ITSN2: variants seen among roughly 807,000 people sequenced by gnomAD.
ITSN2 encodes intersectin 2, also known as intersectin-2.
Under a neutral mutation model 243.7 loss-of-function variants are expected in ITSN2, and 156 were observed. The observed-to-expected ratio is 0.64, with a 90% CI of 0.56 to 0.73. The LOEUF (loss-of-function observed/expected upper bound fraction) is 0.73. Among genes scored for constraint, ITSN2 ranks in the 30% least tolerant of loss-of-function variants. ITSN2 has a pLI of 0.00. For missense variants in ITSN2, 1,801 were observed against 1,996.1 expected (o/e 0.90, Z 1.86); for synonymous variants, 703 against 699.9 (o/e 1.00, Z -0.07).
chr2:24,287,303 T>C (rs976523058), intron 15 of ITSN2, among the ~76,000 whole-genome samples: 8 of 152,150 alleles, frequency 5.3e-5, no homozygotes, highest in African/African-American at 1.9e-4. Context: ...TTTATATAAC[T>C]ACCTTTCTGA....
chr2:24,329,394 G>A (rs370315410), intron 1 of ITSN2, among the ~76,000 whole-genome samples: 18 of 152,100 alleles, frequency 1.2e-4, no homozygotes, highest in African/African-American at 4.3e-4. Flanking sequence ...TGAGTAGCTG[G>A]GTCTACAGGC....
In ITSN2 at chr2:24,286,202, A is replaced by C; in HGVS notation, c.1863+10T>G. ...GTTACCTAAAAATAAATAGTATCAA[A>C]AATAAATACCTTTAGTTGATTGTTA... is the stretch of plus-strand genomic sequence containing the variant. On this transcript the variant is annotated intron_variant, in intron 16 of 39. Transcript: ENST00000355123. The C allele has an allele frequency of 2.0e-6, 3 of 1,529,434 alleles. No homozygotes were observed. The highest frequency in any genetic ancestry group is 8.9e-7 in the Non-Finnish European group (1 of 1,126,310). 94.7% of individuals were successfully genotyped at this position (1,529,434 alleles called of 1,614,324 possible).
rs547842218 is a variant in ITSN2 at position 24,257,895 on chromosome 2, G to A, written c.2881C>T (p.Arg961Trp). 1.1e-4 allele frequency: 183 copies of A among 1,612,244 alleles called. 4 individuals carry two copies. The South Asian group carries it at 1.7e-3, about 15-fold the overall frequency. Residue 961 changes from arginine to tryptophan, a missense_variant, in exon 23 of 40, where the codon CGG becomes TGG. Arg to Trp is a moderately radical substitution (Grantham distance 101). Coordinates refer to ENST00000355123, the MANE Select transcript of ITSN2 (RefSeq NM_006277.3). ...VKIIPGSEVK[R>W]EEPEALYAAV... is the part of the protein sequence containing the mutation. The stretch of plus-strand genomic sequence containing the variant: ...ACACATAAAGATGCTTACTCTTCCC[G>A]TTTTACTTCACTCCCAGGAATGATC...
chr2:24,288,153 C>T (rs775097685), intron 15 of ITSN2, among the ~76,000 whole-genome samples: 12 of 151,984 alleles, frequency 7.9e-5, no homozygotes, highest in South Asian at 2.1e-4. Context: ...AGGAGTTTTA[C>T]GGTTTCATGT....
chr2:24,220,684 G>A, intron 30 of ITSN2: 1 of 1,286,850 alleles, frequency 7.8e-7, no homozygotes. Context: ...CCATGCGAAT[G>A]CCCTCTTGTT....
At chr2:24,344,150 T>C (rs1027292498) in intron 1 of ITSN2, among the ~76,000 whole-genome samples, 1 of 152,246 alleles carries the variant, frequency 6.6e-6, no homozygotes, top group Non-Finnish European at 1.5e-5. Context: ...AATCATATCC[T>C]TTTAAATAGG....
intron 27 of ITSN2, 112 bp from the exon 28 acceptor site, chr2:24,247,005 G>T: frequency 1.4e-6 from 1 of 738,160 alleles, no homozygotes. Flanking sequence ...ATTTAATTTT[G>T]CCTAAAGAGA....
intron 37 of ITSN2, 27 bp from the exon 38 acceptor site, chr2:24,205,324 T>A: frequency 6.3e-7 from 1 of 1,585,476 alleles, no homozygotes; most frequent in Non-Finnish European, 8.7e-7. Context: ...CAAGTCTCAT[T>A]AATCTCTTCT....
At chr2:24,232,541 G>A (rs1423019233) in intron 29 of ITSN2, among the ~76,000 whole-genome samples, 1 of 152,102 alleles carries the variant, frequency 6.6e-6, no homozygotes, top group African/African-American at 2.4e-5. Context: ...TGAGATGCAG[G>A]ATATAGACTA....
chr2:24,323,199 C>CT (rs60500713), intron 2 of ITSN2, among the ~76,000 whole-genome samples: 1 of 152,140 alleles, frequency 6.6e-6, no homozygotes, highest in African/African-American at 2.4e-5. Context: ...CAACAATAGA[C>CT]TGAGTATTAA....
At chr2:24,324,669 T>G (rs1364611881) in intron 2 of ITSN2, among the ~76,000 whole-genome samples, 1 of 151,492 alleles carries the variant, frequency 6.6e-6, no homozygotes, top group Non-Finnish European at 1.5e-5. Context: ...GTCAACATAG[T>G]GAGACCCCTA....
chr2:24,206,315 C>A, intron 37 of ITSN2: 1 of 401,400 alleles, frequency 2.5e-6, no homozygotes, highest in Non-Finnish European at 5.0e-6. Context: ...ACTATAGCAG[C>A]CAGGAAGCTG....
At chr2:24,356,202 C>CA (rs70944742) in intron 1 of ITSN2, among the ~76,000 whole-genome samples, 131,540 of 138,436 alleles carry the variant, frequency 0.95, 62,558 homozygotes, top group East Asian at 0.99. Flanking sequence ...GACTCCATCT[C>CA]AAAAAAAAAA....
chr2:24,220,267 T>C, intron 30 of ITSN2: 1 of 948,462 alleles, frequency 1.1e-6, no homozygotes, highest in Non-Finnish European at 1.3e-6. Flanking sequence ...TAACTGGTCT[T>C]CTCACCTGAG....
rs778442538 is a variant in ITSN2 at position 24,271,805 on chromosome 2, G to A, written c.2218C>T (p.Arg740Cys). ...EEERKAEEKQ[R>C]KDKDTLKAEE... ...GCTTTCAAAGTATCCTTATCCTTAC[G>A]TTGTTTCTCCTCAGCTTTCCGTTCC... is the stretch of plus-strand genomic sequence containing the variant. Residue 740 changes from arginine to cysteine, a missense_variant, in exon 19 of 40, where the codon CGT becomes TGT. Coordinates refer to ENST00000355123, the MANE Select transcript of ITSN2 (RefSeq NM_006277.3). 3.3e-5 allele frequency: 53 copies of A among 1,604,584 alleles called. 1 individual carries two copies. In the South Asian group the frequency reaches 5.2e-4, roughly 16 times the overall value.
intron 17 of ITSN2, 105 bp downstream of exon 17, chr2:24,284,658 T>C: frequency 1.4e-6 from 1 of 713,812 alleles, no homozygotes; most frequent in Non-Finnish European, 2.5e-6. Context: ...TTGTATATGT[T>C]ATTTCAAACA....
intron 20 of ITSN2, among the ~76,000 whole-genome samples, chr2:24,268,690 T>A (rs1015845023): frequency 6.6e-6 from 1 of 152,106 alleles, no homozygotes; most frequent in Non-Finnish European, 1.5e-5. Flanking sequence ...TCCATTATCA[T>A]TAACCTGTTT....
intron 1 of ITSN2, among the ~76,000 whole-genome samples, chr2:24,345,738 A>C (rs777080849): frequency 7.9e-5 from 12 of 152,192 alleles, no homozygotes; most frequent in Non-Finnish European, 1.5e-4. Context: ...TATTATATTA[A>C]TAGTAAGCTT....
chr2:24,357,474 T>TG (rs1219091221), intron 1 of ITSN2, among the ~76,000 whole-genome samples: 4 of 151,780 alleles, frequency 2.6e-5, no homozygotes, highest in South Asian at 4.2e-4. Context: ...GGACCTGTTG[T>TG]GGGGGGGCAA....
Sources: allele counts gnomAD v4.1 joint callset (sites outside exome capture counted in the v4.1 genomes callset), GRCh38; gene constraint gnomAD v4.1.1; transcripts MANE v1.5; gene names NCBI Gene and HGNC (gene_info 2026-07-23, HGNC 2026-07-21).